Variants in NRXN3 observed in about 807,000 individuals in gnomAD.
The protein encoded by NRXN3 is neurexin 3.
A neutral mutation model predicts 137.6 loss-of-function variants in NRXN3; 32 were observed. That is an observed-to-expected ratio of 0.23 (90% CI 0.18 to 0.31). The LOEUF (loss-of-function observed/expected upper bound fraction) is 0.31. Ranked by LOEUF, NRXN3 falls within the 10% of genes least tolerant of loss-of-function variation. NRXN3 has a pLI of 1.00. For synonymous variants in NRXN3, 798 were observed against 784.5 expected (o/e 1.02, Z -0.29); for missense variants, 1,574 against 2,062.5 (o/e 0.76, Z 4.59).
At chr14:79,286,803 C>T (rs1301699252) in intron 15 of NRXN3, among the ~76,000 whole-genome samples, 18 of 151,994 alleles carry the variant, frequency 1.2e-4, no homozygotes, top group Admixed American at 1.2e-3. Flanking sequence ...CTCTAAGAAA[C>T]TAAGTTACTA....
At chr14:79,455,383 C>T (rs1262992837) in intron 15 of NRXN3, among the ~76,000 whole-genome samples, 1 of 152,034 alleles carries the variant, frequency 6.6e-6, no homozygotes, top group Non-Finnish European at 1.5e-5. Flanking sequence ...GCATTGCAGT[C>T]CATTTCATGA....
chr14:78,757,376 C>G (rs902611010), intron 8 of NRXN3, among the ~76,000 whole-genome samples: 3 of 148,600 alleles, frequency 2.0e-5, no homozygotes, highest in African/African-American at 7.7e-5. Context: ...CCACTGCACT[C>G]CAGCCTGGGC....
At chr14:79,384,573 A>T (rs2094554072) in intron 15 of NRXN3, among the ~76,000 whole-genome samples, 1 of 152,166 alleles carries the variant, frequency 6.6e-6, no homozygotes, top group African/African-American at 2.4e-5. Context: ...TTCACAGATT[A>T]TGTTAACCCA....
intron 15 of NRXN3, among the ~76,000 whole-genome samples, chr14:79,429,230 AG>A (rs2095706226): frequency 6.6e-6 from 1 of 152,196 alleles, no homozygotes; most frequent in Non-Finnish European, 1.5e-5. Flanking sequence ...ATTCGTGTAT[AG>A]TACCAGTCCA....
chr14:78,450,491 T>A (rs1309026342), intron 4 of NRXN3, among the ~76,000 whole-genome samples: 1 of 152,106 alleles, frequency 6.6e-6, no homozygotes, highest in Admixed American at 6.6e-5. Flanking sequence ...TTCCCATTCC[T>A]CCCCTAAAGC....
intron 15 of NRXN3, chr14:79,298,920 G>A (rs769597335): frequency 2.6e-5 from 4 of 152,510 alleles, no homozygotes; most frequent in Non-Finnish European, 5.9e-5. Flanking sequence ...CAAGTCTGTA[G>A]TAGTGAATAT....
At chr14:78,668,531 G>A (rs1310410482) in intron 6 of NRXN3, among the ~76,000 whole-genome samples, 1 of 152,152 alleles carries the variant, frequency 6.6e-6, no homozygotes, top group Non-Finnish European at 1.5e-5. Flanking sequence ...GGGAGTAAAG[G>A]GATATTGAAG....
At chr14:78,462,531 G>T (rs561141166) in intron 4 of NRXN3, among the ~76,000 whole-genome samples, 1 of 152,198 alleles carries the variant, frequency 6.6e-6, no homozygotes, top group South Asian at 2.1e-4. Flanking sequence ...TAGATTGCAC[G>T]CCAGGATGTG....
intron 19 of NRXN3, among the ~76,000 whole-genome samples, chr14:79,760,420 C>A (rs957349557): frequency 3.4e-5 from 5 of 146,950 alleles, no homozygotes; most frequent in Admixed American, 1.3e-4. Context: ...GATAACTTAA[C>A]CTTTTTTTTT....
At chr14:79,487,773 T>G (rs1292031591) in intron 16 of NRXN3, among the ~76,000 whole-genome samples, 1 of 152,188 alleles carries the variant, frequency 6.6e-6, no homozygotes, top group Non-Finnish European at 1.5e-5. Context: ...TGCTTCCATT[T>G]TCTCCAGCTT....
intron 10 of NRXN3, among the ~76,000 whole-genome samples, chr14:78,893,405 A>G (rs2099164893): frequency 6.6e-6 from 1 of 151,866 alleles, no homozygotes; most frequent in African/African-American, 2.4e-5. Context: ...ATCTTTCATA[A>G]TGGTGGTGGG....
chr14:79,329,467 C>G (rs1362428060), intron 15 of NRXN3, among the ~76,000 whole-genome samples: 1 of 152,078 alleles, frequency 6.6e-6, no homozygotes, highest in Non-Finnish European at 1.5e-5. Flanking sequence ...GGCTGCATAC[C>G]CATGAAGCTT....
At chr14:79,757,162 A>G (rs8016688) in intron 19 of NRXN3, among the ~76,000 whole-genome samples, 10,174 of 152,212 alleles carry the variant, frequency 0.067, 1,119 homozygotes, top group African/African-American at 0.23. Context: ...CGTCTGATTA[A>G]TTGCAGCTGT....
At chr14:78,483,082 C>T (rs1314570173) in intron 4 of NRXN3, among the ~76,000 whole-genome samples, 1 of 151,986 alleles carries the variant, frequency 6.6e-6, no homozygotes, top group Non-Finnish European at 1.5e-5. Context: ...TTATGAAGGG[C>T]ATTTCTAGTA....
At chr14:78,710,445 T>A (rs998959161) in intron 7 of NRXN3, among the ~76,000 whole-genome samples, 1 of 152,140 alleles carries the variant, frequency 6.6e-6, no homozygotes, top group Non-Finnish European at 1.5e-5. Context: ...ATGGACCATG[T>A]GGCAATGAAG....
intron 19 of NRXN3, among the ~76,000 whole-genome samples, chr14:79,700,146 G>A (rs975698719): frequency 6.6e-6 from 1 of 151,908 alleles, no homozygotes; most frequent in African/African-American, 2.4e-5. Flanking sequence ...TTAGGACTGG[G>A]GACCCAACAA....
intron 19 of NRXN3, among the ~76,000 whole-genome samples, chr14:79,751,805 C>A (rs1367051790): frequency 2.7e-5 from 4 of 148,204 alleles, no homozygotes. Context: ...TTGTCAAAGG[C>A]CTTTTCTGCA....
rs34101631 is a variant in NRXN3, at chr14:79,390,316, CA to C, written c.3263-76888del. Among the ~76,000 whole-genome samples, 327 of 109,580 alleles carry C rather than the reference CA, an allele frequency of 3.0e-3. 2 individuals carry two copies. Among genetic ancestry groups the C allele is most frequent in the Middle Eastern group, 0.015 (3 of 198 alleles). 71.9% of individuals were successfully genotyped at this position (109,580 alleles called of 152,430 possible). ...TGGGCAGCAGAGCGAGACTCTGTCT[CA>C]AAAAAAAAAAAAAAAACCTACATGA... On this transcript the variant is annotated intron_variant, in intron 15 of 20. Coordinates refer to ENST00000335750, the MANE Select transcript of NRXN3 (RefSeq NM_001330195.2).
rs1260345116 is a variant in NRXN3, at chr14:78,912,739, G to A, written c.2276-44503G>A. 3.9e-5 allele frequency among the ~76,000 whole-genome samples: 6 copies of A among 152,244 alleles called. No individual in the cohort carries two copies. In the South Asian group the frequency reaches 1.2e-3, roughly 32 times the overall value. The stretch of plus-strand genomic sequence containing the variant: ...CAGACCATTCAAAGTAAGATTATCT[G>A]GAAAGTGCTTGGAGTTTCTGAGTGG... On this transcript the variant is annotated intron_variant, in intron 10 of 20. Transcript: ENST00000335750.
Sources: gnomAD v4.1 joint callset for allele counts (sites outside exome capture counted in the v4.1 genomes callset) on GRCh38, gnomAD v4.1.1 for gene constraint, MANE v1.5 for transcripts, NCBI Gene and HGNC (gene_info 2026-07-23, HGNC 2026-07-21) for gene names.